The following PCDHA1 variants were observed in gnomAD, a reference collection of about 807,000 sequenced individuals.
PCDHA1 encodes protocadherin alpha-1.
In PCDHA1, 42 loss-of-function variants were observed where a neutral mutation model predicts 61.3. That is an observed-to-expected ratio of 0.69 (90% confidence interval 0.54 to 0.89). The LOEUF (loss-of-function observed/expected upper bound fraction) is 0.89. PCDHA1 is among the 40% of genes least tolerant of loss of function. The pLI is 0.00. For missense variants in PCDHA1, 1,256 were observed against 1,235.3 expected (o/e 1.02, Z -0.25); for synonymous variants, 610 against 553.8 (o/e 1.10, Z -1.43).
At chr5:140,856,020 G>T in intron 1 of PCDHA1, 4 of 1,553,378 alleles carry the variant, frequency 2.6e-6, no homozygotes, top group South Asian at 1.2e-5. Context: ...CCGCTGATTC[G>T]TCGATTTGTA....
At chr5:140,832,467 A>T (rs1308124277) in intron 1 of PCDHA1, among the ~76,000 whole-genome samples, 3 of 152,222 alleles carry the variant, frequency 2.0e-5, no homozygotes, top group Admixed American at 6.5e-5. Flanking sequence ...ACTAAAATTT[A>T]AAAAAACTAA....
chr5:140,822,168 G>A (rs782246170), intron 1 of PCDHA1: 5 of 1,614,262 alleles, frequency 3.1e-6, no homozygotes, highest in Non-Finnish European at 3.4e-6. Context: ...ATCCGCCCAG[G>A]TTCTCCAGAC....
intron 1 of PCDHA1, chr5:140,882,076 G>A: frequency 1.1e-6 from 1 of 920,546 alleles, no homozygotes. Flanking sequence ...TGCGCATGGT[G>A]TCGCTCTTCA....
chr5:140,840,523 A>G (rs1554137815), intron 1 of PCDHA1, among the ~76,000 whole-genome samples: 3 of 152,058 alleles, frequency 2.0e-5, no homozygotes, highest in African/African-American at 7.3e-5. Flanking sequence ...CAGAAGAAAG[A>G]TGAAGAACTA....
At chr5:140,806,252 G>T (rs1303770813) in intron 1 of PCDHA1, among the ~76,000 whole-genome samples, 1 of 151,996 alleles carries the variant, frequency 6.6e-6, no homozygotes, top group Non-Finnish European at 1.5e-5. Flanking sequence ...AAAAGCTATT[G>T]GAAGCAGGAA....
At chr5:140,999,526 C>A (rs1429753507) in intron 3 of PCDHA1, among the ~76,000 whole-genome samples, 2 of 152,026 alleles carry the variant, frequency 1.3e-5, no homozygotes, top group Non-Finnish European at 2.9e-5. Context: ...TTTGTTACCC[C>A]CTGGATATGA....
In PCDHA1 at chr5:140,786,785, C is replaced by A. The variant is rs373829612; in HGVS notation, c.495C>A (p.Asn165Lys). 2.7e-5 allele frequency: 43 copies of A among 1,614,090 alleles called. No homozygotes were observed. The Middle Eastern group carries it at 6.6e-4, about 25-fold the overall frequency. The change falls in exon 1 of 4, where the codon AAC becomes AAA. Residue 165 changes from asparagine to lysine, a missense_variant. Asn to Lys is a moderately conservative substitution (Grantham distance 94). Transcript: ENST00000504120. ...EGAADADIGA[N>K]ALLTYTLSPS... is the part of the protein sequence containing the mutation. ...CTGCTGATGCAGACATTGGTGCTAACGCTCTTCTAACGTACACGCTCAGCC... is the reference window on the plus strand; with the variant it reads ...CTGCTGATGCAGACATTGGTGCTAAAGCTCTTCTAACGTACACGCTCAGCC...
chr5:140,799,909 G>C (rs751160950), intron 1 of PCDHA1, among the ~76,000 whole-genome samples: 1 of 151,916 alleles, frequency 6.6e-6, no homozygotes, highest in Admixed American at 6.6e-5. Context: ...CAAATGCGGC[G>C]AGAATTCATG....
intron 1 of PCDHA1, chr5:140,871,317 G>A: frequency 6.2e-7 from 1 of 1,614,080 alleles, no homozygotes; most frequent in Non-Finnish European, 8.5e-7. Flanking sequence ...AGCCCACGCT[G>A]GTGTGCTCCC....
chr5:140,993,270 G>A (rs190721014), intron 3 of PCDHA1, among the ~76,000 whole-genome samples: 360 of 151,912 alleles, frequency 2.4e-3, no homozygotes, highest in African/African-American at 8.3e-3. Context: ...AGCTTCTTTG[G>A]TCTTTTCTTG....
chr5:140,998,681 C>G (rs978884535), intron 3 of PCDHA1, among the ~76,000 whole-genome samples: 42 of 152,038 alleles, frequency 2.8e-4, no homozygotes, highest in Non-Finnish European at 1.6e-4. Context: ...TCTCCTGCCT[C>G]AGCCTCCCAA....
intron 1 of PCDHA1, among the ~76,000 whole-genome samples, chr5:140,955,110 T>C (rs915501300): frequency 7.2e-5 from 11 of 152,274 alleles, no homozygotes; most frequent in African/African-American, 2.6e-4. Flanking sequence ...TTCTGAGTTC[T>C]CTATTCTGTT....
chr5:140,885,096 A>G (rs2060465078), intron 1 of PCDHA1, among the ~76,000 whole-genome samples: 1 of 152,160 alleles, frequency 6.6e-6, no homozygotes, highest in Non-Finnish European at 1.5e-5. Flanking sequence ...AACTTTTCAC[A>G]TAAATGCTTT....
At chr5:140,906,518 A>G (rs377287696) in intron 1 of PCDHA1, among the ~76,000 whole-genome samples, 161 of 152,358 alleles carry the variant, frequency 1.1e-3, no homozygotes, top group African/African-American at 3.7e-3. Flanking sequence ...AGGAGGAAAT[A>G]CTCACGACAA....
At chr5:140,793,481 A>T (rs1441442340) in intron 1 of PCDHA1, among the ~76,000 whole-genome samples, 11 of 152,338 alleles carry the variant, frequency 7.2e-5, no homozygotes, top group Non-Finnish European at 1.3e-4. Context: ...AAAAATTGTT[A>T]TTGGAAAAAA....
chr5:140,822,122 T>C (rs2150113817), intron 1 of PCDHA1: 12 of 1,614,232 alleles, frequency 7.4e-6, no homozygotes, highest in Non-Finnish European at 1.0e-5. Context: ...CTGCAGGTTT[T>C]CCATGTGGAG....
chr5:140,921,732 A>G lies in PCDHA1; in HGVS notation c.2395-57217A>G, dbSNP rs1345229893. 2.0e-5 allele frequency among the ~76,000 whole-genome samples: 3 copies of G among 152,206 alleles called. No individual in the cohort carries two copies. In the East Asian group the frequency reaches 5.8e-4, roughly 29 times the overall value. ...AAACACACGAATTACTCCCATAAAA[A>G]TTATAAGCATAACAGGACACTTCTT... is the stretch of plus-strand genomic sequence containing the variant. On this transcript the variant is annotated intron_variant, in intron 1 of 3. Coordinates refer to ENST00000504120, the MANE Select transcript of PCDHA1 (RefSeq NM_018900.4).
intron 3 of PCDHA1, among the ~76,000 whole-genome samples, chr5:140,987,298 G>A (rs2097247103): frequency 6.6e-6 from 1 of 152,086 alleles, no homozygotes; most frequent in South Asian, 2.1e-4. Context: ...AGCCTTCTAT[G>A]TGATACCAAT....
At chr5:140,857,796 CG>C in intron 1 of PCDHA1, 1 of 1,597,494 alleles carries the variant, frequency 6.3e-7, no homozygotes, top group Non-Finnish European at 8.6e-7. Flanking sequence ...GTGCTGCGGT[CG>C]GTGGTTGCGG....
Sources: gnomAD v4.1 joint callset for allele counts (sites outside exome capture counted in the v4.1 genomes callset) on GRCh38, gnomAD v4.1.1 for gene constraint, MANE v1.5 for transcripts, NCBI Gene and HGNC (gene_info 2026-07-23, HGNC 2026-07-21) for gene names.